The following RAB38 variants were observed in gnomAD, a reference collection of about 807,000 sequenced individuals.
The protein encoded by RAB38 is RAB38, member RAS oncogene family, also known as ras-related protein Rab-38.
Under a neutral mutation model 18.4 loss-of-function variants are expected in RAB38, and 15 were observed. The observed-to-expected ratio is 0.82, with a 90% CI of 0.55 to 1.26. The LOEUF (loss-of-function observed/expected upper bound fraction) is 1.26. Among genes scored for constraint, RAB38 ranks in the 50% most tolerant of loss-of-function variants. The pLI, the probability that RAB38 is intolerant of heterozygous loss-of-function variation, is 0.00. For synonymous variants in RAB38, 101 were observed against 104.4 expected (o/e 0.97, Z 0.20); for missense variants, 294 against 267.4 (o/e 1.10, Z -0.69).
At chr11:88,146,984 C>T (rs1462588537) in intron 2 of RAB38, among the ~76,000 whole-genome samples, 1 of 152,190 alleles carries the variant, frequency 6.6e-6, no homozygotes, top group African/African-American at 2.4e-5. Context: ...AGGTACTAAA[C>T]ATTGTGTCCT....
the RAB38 span, among the ~76,000 whole-genome samples, chr11:87,974,845 A>C: frequency 1.3e-5 from 2 of 151,948 alleles, no homozygotes; most frequent in African/African-American, 4.8e-5. Flanking sequence ...AGATAAAACA[A>C]ACAAACAAAC....
the RAB38 span, among the ~76,000 whole-genome samples, chr11:87,941,032 G>C: frequency 1.2e-4 from 18 of 151,340 alleles, no homozygotes; most frequent in Admixed American, 6.6e-5. Flanking sequence ...GCATGTACCT[G>C]TCACTGTGAT....
chr11:88,163,490 G>C (rs975613452), intron 1 of RAB38, among the ~76,000 whole-genome samples: 2 of 152,094 alleles, frequency 1.3e-5, no homozygotes, highest in South Asian at 4.1e-4. Context: ...AATTTCCTTA[G>C]TTCCCCCATA....
the RAB38 span, among the ~76,000 whole-genome samples, chr11:87,907,375 C>T: frequency 1.1e-4 from 17 of 151,786 alleles, no homozygotes; most frequent in South Asian, 3.3e-3. Flanking sequence ...TTGCCCCTTT[C>T]CTATTTCTTT....
chr11:88,068,093 TC>T, the RAB38 span, among the ~76,000 whole-genome samples: 1 of 151,370 alleles, frequency 6.6e-6, no homozygotes, highest in African/African-American at 2.4e-5. Flanking sequence ...AAAACACTCC[TC>T]GAAAAGACCT....
chr11:88,040,568 G>C, the RAB38 span, among the ~76,000 whole-genome samples: 1 of 152,140 alleles, frequency 6.6e-6, no homozygotes, highest in Non-Finnish European at 1.5e-5. Context: ...AGCTGGGTAT[G>C]GTGGCTCATG....
the RAB38 span, among the ~76,000 whole-genome samples, chr11:87,938,561 G>C: frequency 1.3e-4 from 20 of 151,478 alleles, no homozygotes; most frequent in Non-Finnish European, 2.1e-4. Flanking sequence ...GGTTGCAGTA[G>C]AGGGGTTATT....
the RAB38 span, among the ~76,000 whole-genome samples, chr11:88,096,365 G>A: frequency 1.3e-5 from 2 of 151,632 alleles, no homozygotes; most frequent in Non-Finnish European, 2.9e-5. Flanking sequence ...CAATTCCCCC[G>A]GTTCTCTGCT....
At chr11:88,148,686 C>A (rs1174192911) in intron 2 of RAB38, among the ~76,000 whole-genome samples, 2 of 152,144 alleles carry the variant, frequency 1.3e-5, no homozygotes, top group African/African-American at 2.4e-5. Flanking sequence ...TCCATAAGTA[C>A]GGAGCCCATG....
chr11:88,152,389 A>G (rs965280704), intron 1 of RAB38, among the ~76,000 whole-genome samples: 2 of 152,222 alleles, frequency 1.3e-5, no homozygotes, highest in Admixed American at 1.3e-4. Flanking sequence ...CATAGGCTAT[A>G]ACTTCATAGA....
chr11:88,075,455 A>G, the RAB38 span, among the ~76,000 whole-genome samples: 18 of 152,354 alleles, frequency 1.2e-4, no homozygotes, highest in African/African-American at 4.1e-4. Context: ...ATCAATGAAG[A>G]AATTAAGAAG....
intron 2 of RAB38, among the ~76,000 whole-genome samples, chr11:88,142,917 T>G (rs571218482): frequency 6.6e-6 from 1 of 152,356 alleles, no homozygotes; most frequent in South Asian, 2.1e-4. Flanking sequence ...GGAAGACGTA[T>G]TTACACATCT....
the RAB38 span, among the ~76,000 whole-genome samples, chr11:87,893,390 A>ATATATATATATATATAT: frequency 0.031 from 2,953 of 93,842 alleles, 91 homozygotes; most frequent in Admixed American, 0.094. Flanking sequence ...ATATATATAT[A>ATATATATATATATATAT]TTTTTTTTTT....
intron 2 of RAB38, among the ~76,000 whole-genome samples, chr11:88,148,196 A>G (rs1397274022): frequency 6.6e-6 from 1 of 152,198 alleles, no homozygotes; most frequent in Non-Finnish European, 1.5e-5. Flanking sequence ...CAACTGAGCA[A>G]TAACAACTTT....
chr11:88,051,592 T>C, the RAB38 span, among the ~76,000 whole-genome samples: 6 of 150,808 alleles, frequency 4.0e-5, no homozygotes, highest in Non-Finnish European at 5.9e-5. Context: ...AGTCAAAAAT[T>C]AGTCATCATG....
the RAB38 span, among the ~76,000 whole-genome samples, chr11:87,853,227 G>A: frequency 6.6e-6 from 1 of 152,192 alleles, no homozygotes; most frequent in Admixed American, 6.5e-5. Context: ...TAGACAGAAT[G>A]TTTGTATCCT....
the RAB38 span, among the ~76,000 whole-genome samples, chr11:87,913,539 C>A: frequency 6.6e-6 from 1 of 151,980 alleles, no homozygotes; most frequent in Non-Finnish European, 1.5e-5. Flanking sequence ...GATAGCCTGG[C>A]GCTGGAGTTT....
At chr11:88,141,472 T>C (rs1942912173) in intron 2 of RAB38, among the ~76,000 whole-genome samples, 1 of 152,214 alleles carries the variant, frequency 6.6e-6, no homozygotes, top group African/African-American at 2.4e-5. Flanking sequence ...ACGCCTTATA[T>C]TAGGATTTGC....
At chr11:87,895,458 C>G in the RAB38 span, among the ~76,000 whole-genome samples, 2 of 151,516 alleles carry the variant, frequency 1.3e-5, no homozygotes, top group Non-Finnish European at 3.0e-5. Context: ...GAAAGAATAG[C>G]AGAGTCCTGA....
Sources: allele counts gnomAD v4.1 joint callset (sites outside exome capture counted in the v4.1 genomes callset), GRCh38; gene constraint gnomAD v4.1.1; transcripts MANE v1.5; gene names NCBI Gene and HGNC (gene_info 2026-07-23, HGNC 2026-07-21).